DMXL2: variants seen among roughly 807,000 people sequenced by gnomAD.
DMXL2 encodes Dmx like 2.
DMXL2 carries 103 observed loss-of-function variants against 331.1 expected under a neutral mutation model. The ratio of observed to expected loss-of-function variants is 0.31; its 90% CI spans 0.27 to 0.37. The LOEUF is 0.37. Among genes scored for constraint, DMXL2 ranks in the 10% least tolerant of loss-of-function variants. The pLI is 1.00. For missense variants in DMXL2, 3,171 were observed against 3,642.9 expected, an observed-to-expected ratio of 0.87 and a Z score of 3.33; for synonymous variants, 1,281 against 1,252.1, an observed-to-expected ratio of 1.02 and a Z score of -0.49.
rs143000503 is a variant in DMXL2, at chr15:51,509,928, T to C, written c.2645-2675A>G. ...TACACAAATCAATAAATGTACTCCA[T>C]CACGTAAACAGAACCAATGACAAAA... is the stretch of plus-strand genomic sequence containing the variant. On this transcript the variant is annotated intron_variant, in intron 15 of 43. Coordinates refer to ENST00000560891, the MANE Select transcript of DMXL2 (RefSeq NM_001378457.1). Among the ~76,000 whole-genome samples the C allele has an allele frequency of 3.0e-3, 460 of 152,248 alleles. 18 individuals are homozygous for C. In the East Asian group the frequency reaches 0.064, roughly 21 times the overall value.
chr15:51,575,096 C>T (rs187576882), intron 2 of DMXL2, among the ~76,000 whole-genome samples: 2 of 152,152 alleles, frequency 1.3e-5, no homozygotes, highest in East Asian at 1.9e-4. Flanking sequence ...ACCAGGAAAT[C>T]GTGTTTCAAT....
chr15:51,461,459 C>A (rs952963539), intron 33 of DMXL2, among the ~76,000 whole-genome samples: 2 of 152,152 alleles, frequency 1.3e-5, no homozygotes, highest in Admixed American at 6.5e-5. Context: ...TGTGATAAAT[C>A]ATTAATTTTA....
chr15:51,500,948 C>T (rs2043549113), intron 17 of DMXL2, among the ~76,000 whole-genome samples: 1 of 152,194 alleles, frequency 6.6e-6, no homozygotes, highest in Non-Finnish European at 1.5e-5. Flanking sequence ...GGGAAAGCTA[C>T]TTAATCATCT....
Position 51,563,363 on chromosome 15 carries a change from T to C in DMXL2, c.567+18A>G. 6.4e-7 allele frequency: 1 copy of C among 1,563,178 alleles called. No homozygotes were observed. The highest frequency in any genetic ancestry group is 8.7e-7 in the Non-Finnish European group (1 of 1,145,210). On this transcript the variant is annotated intron_variant, in intron 6 of 43. Transcript: ENST00000560891. ...TCTTTTATTTGTTTATTTCGTATGT[T>C]TTTGTTTGATCCTTTACCTTTCCAG...
In DMXL2 at chr15:51,458,572, A is replaced by G; in HGVS notation, c.8132T>C (p.Val2711Ala). The G allele has an allele frequency of 6.2e-7, 1 of 1,614,024 alleles. No homozygotes were observed. The highest frequency in any genetic ancestry group is 1.1e-5 in the South Asian group (1 of 91,072). ...TGACTGACAGGCCAGTAGAGAAGTA[A>G]CATCAAGTTCTTGAACATCATGTGT... Reference protein sequence around the residue: ...ASTHDVQELDVTSLLACQSYI... With the variant: ...ASTHDVQELDATSLLACQSYI... The change falls in exon 36 of 44, where the codon GTT becomes GCT. Residue 2711 changes from valine to alanine, a missense_variant. Around this residue, in one of 7 missense-constraint regions of DMXL2, gnomAD observed 766 missense variants for 940.5 expected, o/e 0.81. Coordinates refer to ENST00000560891, the MANE Select transcript of DMXL2 (RefSeq NM_001378457.1).
chr15:51,597,108 T>C (rs1157339482), intron 1 of DMXL2, among the ~76,000 whole-genome samples: 1 of 152,094 alleles, frequency 6.6e-6, no homozygotes, highest in African/African-American at 2.4e-5. Flanking sequence ...TGCACCTACA[T>C]AATCCCTCAT....
At chr15:51,522,463 G>A (rs748707945) in intron 13 of DMXL2, among the ~76,000 whole-genome samples, 2 of 152,110 alleles carry the variant, frequency 1.3e-5, no homozygotes, top group Non-Finnish European at 2.9e-5. Flanking sequence ...TGGCCAATAT[G>A]GTGAAACCCC....
chr15:51,512,450 T>C (rs984061683), intron 15 of DMXL2, among the ~76,000 whole-genome samples: 1 of 152,164 alleles, frequency 6.6e-6, no homozygotes, highest in Non-Finnish European at 1.5e-5. Flanking sequence ...ACAGCAAATA[T>C]GTAAGGAAGT....
intron 13 of DMXL2, among the ~76,000 whole-genome samples, chr15:51,525,688 G>A (rs1177843361): frequency 6.6e-6 from 1 of 152,126 alleles, no homozygotes; most frequent in East Asian, 1.9e-4. Flanking sequence ...AGTCCTGGTG[G>A]CCACAGGGTG....
At chr15:51,540,060 T>G (rs1186312010) in intron 9 of DMXL2, among the ~76,000 whole-genome samples, 1 of 152,200 alleles carries the variant, frequency 6.6e-6, no homozygotes, top group Non-Finnish European at 1.5e-5. Context: ...GAATTAGCAA[T>G]CCTATAAAAC....
At chr15:51,594,494 A>T (rs1378022259) in intron 1 of DMXL2, among the ~76,000 whole-genome samples, 1 of 152,214 alleles carries the variant, frequency 6.6e-6, no homozygotes, top group African/African-American at 2.4e-5. Context: ...TACAAGGAGG[A>T]GCTGGTACCA....
At chr15:51,599,830 G>C (rs1198119113) in intron 1 of DMXL2, among the ~76,000 whole-genome samples, 2 of 152,142 alleles carry the variant, frequency 1.3e-5, no homozygotes, top group African/African-American at 4.8e-5. Flanking sequence ...CTCCCAAGTA[G>C]CTGGGATTAC....
Position 51,502,952 on chromosome 15 carries a change from G to C in DMXL2, c.2846C>G (p.Ser949Cys), listed in dbSNP as rs1394857147. The C allele has an allele frequency of 2.5e-6, 4 of 1,613,962 alleles. No homozygotes were observed. The East Asian group carries it at 6.7e-5, about 27-fold the overall frequency. Residue 949 changes from serine (S) to cysteine (C), a missense_variant, in exon 17 of 44, where the codon TCT becomes TGT. Transcript: ENST00000560891. ...QKNVDSSPET[S>C]PSVSPMPHSS... is the part of the protein sequence containing the mutation. ...ATGTGGCATGGGGCTCACACTAGGA[G>C]AGGTTTCTGGAGAAGAATCTACGTT...
At chr15:51,475,191 A>G (rs192064482) in intron 27 of DMXL2, among the ~76,000 whole-genome samples, 17 of 152,178 alleles carry the variant, frequency 1.1e-4, no homozygotes, top group Non-Finnish European at 2.1e-4. Flanking sequence ...CCTGAATCCA[A>G]CATTAAGAAA....
intron 15 of DMXL2, 22 bp from the exon 16 acceptor site, chr15:51,507,275 T>G: frequency 6.3e-7 from 1 of 1,592,310 alleles, no homozygotes; most frequent in Non-Finnish European, 8.5e-7. Flanking sequence ...AGGAAAAGGA[T>G]ATTTAAATTA....
At chr15:51,570,869 T>G (rs2050623317) in intron 2 of DMXL2, among the ~76,000 whole-genome samples, 1 of 152,116 alleles carries the variant, frequency 6.6e-6, no homozygotes, top group Non-Finnish European at 1.5e-5. Flanking sequence ...ATGAAGAAAC[T>G]GCATCAATTA....
chr15:51,450,395 G>T, intron 42 of DMXL2, 49 bp from the exon 43 acceptor site: 1 of 1,569,290 alleles, frequency 6.4e-7, no homozygotes, highest in Non-Finnish European at 8.8e-7. Context: ...TTCTTGTCTT[G>T]GTAATTATGA....
intron 1 of DMXL2, among the ~76,000 whole-genome samples, chr15:51,589,584 G>A (rs2052131679): frequency 6.6e-6 from 1 of 152,204 alleles, no homozygotes; most frequent in Non-Finnish European, 1.5e-5. Context: ...GGAGGAAAGA[G>A]AGCAAAACAG....
rs764699549 is a variant in DMXL2, at chr15:51,547,417, T to A, written c.568-9A>T. The A allele has an allele frequency of 6.4e-7, 1 of 1,560,904 alleles. No homozygotes were observed. The highest frequency in any genetic ancestry group is 2.3e-5 in the East Asian group (1 of 43,814). ...TTCAAAAGACAATCATCCTGAAAAA[T>A]ACATAGGTCAATATAAAATTAATTT... On this transcript the variant is annotated splice_polypyrimidine_tract_variant and intron_variant, in intron 6 of 43. Transcript: ENST00000560891.
Sources: gnomAD v4.1 joint callset for allele counts (sites outside exome capture counted in the v4.1 genomes callset) on GRCh38, gnomAD v4.1.1 for gene constraint, gnomAD v4.1.1 regional missense constraint, MANE v1.5 for transcripts, NCBI Gene and HGNC (gene_info 2026-07-23, HGNC 2026-07-21) for gene names.